PARD3B: variants seen among roughly 807,000 people sequenced by gnomAD.
PARD3B encodes par-3 family cell polarity regulator beta.
In PARD3B, 103 loss-of-function variants were observed where a neutral mutation model predicts 130.2. The observed-to-expected ratio is 0.79, with a 90% CI of 0.67 to 0.93. The LOEUF (loss-of-function observed/expected upper bound fraction) is 0.93. Ranked by LOEUF, PARD3B falls within the 40% of genes least tolerant of loss-of-function variation. The pLI is 0.00. For synonymous variants in PARD3B, 583 were observed against 553.2 expected, an observed-to-expected ratio of 1.05 and a Z score of -0.76; for missense variants, 1,609 against 1,499.2, an observed-to-expected ratio of 1.07 and a Z score of -1.21.
At chr2:205,389,423 C>T (rs849240) in intron 18 of PARD3B, among the ~76,000 whole-genome samples, 109,097 of 152,008 alleles carry the variant, frequency 0.72, 44,163 homozygotes, top group East Asian at 0.96. Flanking sequence ...AGTGCAATGA[C>T]GCTATGTCGG....
intron 19 of PARD3B, among the ~76,000 whole-genome samples, chr2:205,409,679 A>G (rs1251009246): frequency 2.0e-5 from 3 of 152,144 alleles, no homozygotes; most frequent in African/African-American, 4.8e-5. Flanking sequence ...ATGCTTTCCA[A>G]CAGTCATTTA....
At chr2:205,163,149 T>C (rs1318561625) in intron 11 of PARD3B, among the ~76,000 whole-genome samples, 1 of 152,190 alleles carries the variant, frequency 6.6e-6, no homozygotes, top group Admixed American at 6.5e-5. Flanking sequence ...AATGGTGTTT[T>C]TGACTTCACT....
chr2:205,096,621 A>G (rs1702415398), intron 4 of PARD3B, among the ~76,000 whole-genome samples: 1 of 152,162 alleles, frequency 6.6e-6, no homozygotes, highest in Non-Finnish European at 1.5e-5. Context: ...GTGCAGTTTT[A>G]TCCCATATGC....
Position 205,165,650 on chromosome 2 carries a change from G to A in PARD3B, c.1621-6561G>A, listed in dbSNP as rs950824862. On this transcript the variant is annotated intron_variant, in intron 11 of 22. Transcript: ENST00000406610. The stretch of plus-strand genomic sequence containing the variant: ...GGAGAATTGCTTGAACCAGGGAGGC[G>A]GAGGTTGCAATGAGCCGAGATCATA... Among the ~76,000 whole-genome samples the A allele has an allele frequency of 1.6e-4, 24 of 151,478 alleles. No homozygotes were observed. The South Asian group carries it at 2.1e-3, about 13-fold the overall frequency.
intron 4 of PARD3B, among the ~76,000 whole-genome samples, chr2:205,083,613 TAGTTTTATTTTTTG>T (rs984750892): frequency 3.3e-5 from 5 of 151,870 alleles, no homozygotes; most frequent in Non-Finnish European, 7.4e-5. Context: ...TTTTTTTTTT[TAGTTTTATTTTTTG>T]AGGAAACAAT....
intron 19 of PARD3B, among the ~76,000 whole-genome samples, chr2:205,412,690 C>T (rs930315920): frequency 1.3e-5 from 2 of 152,170 alleles, no homozygotes; most frequent in African/African-American, 4.8e-5. Flanking sequence ...CTGGAATGTT[C>T]ATACTTTCTG....
intron 21 of PARD3B, among the ~76,000 whole-genome samples, chr2:205,522,978 C>G (rs772495056): frequency 1.8e-4 from 27 of 151,432 alleles, no homozygotes; most frequent in Non-Finnish European, 3.4e-4. Flanking sequence ...GTTAAAATTC[C>G]CATATACTGT....
chr2:205,490,509 A>G (rs1465988579), intron 20 of PARD3B, among the ~76,000 whole-genome samples: 1 of 152,148 alleles, frequency 6.6e-6, no homozygotes, highest in Non-Finnish European at 1.5e-5. Context: ...AATCCAGTCT[A>G]TCATTGTTGG....
Position 204,943,871 on chromosome 2 carries a change from CAAAGTT to C in PARD3B, c.223-21276_223-21271del, listed in dbSNP as rs978829801. On this transcript the variant is annotated intron_variant, in intron 2 of 22. Coordinates refer to ENST00000406610, the MANE Select transcript of PARD3B (RefSeq NM_001302769.2). The surrounding 1 kb of genome is among the most constrained non-coding windows in gnomAD (Gnocchi z 4.2). ...GAAAACTGAGATTTCAGAGGGGAAA[CAAAGTT>C]AAAGCCCAAAGAGTAAAATACTAAA... Among the ~76,000 whole-genome samples the C allele has an allele frequency of 6.6e-6, 1 of 151,828 alleles. No individual in the cohort carries two copies. The highest frequency in any genetic ancestry group is 2.4e-5 in the African/African-American group (1 of 41,328).
At chr2:205,610,452 A>G (rs531316392) in intron 22 of PARD3B, among the ~76,000 whole-genome samples, 2 of 152,222 alleles carry the variant, frequency 1.3e-5, no homozygotes, top group Non-Finnish European at 2.9e-5. Context: ...TAAAAATAGT[A>G]GTTAACTGAC....
At chr2:205,485,982 C>T (rs1233127823) in intron 20 of PARD3B, among the ~76,000 whole-genome samples, 4 of 152,172 alleles carry the variant, frequency 2.6e-5, no homozygotes, top group Non-Finnish European at 5.9e-5. Context: ...ATATCTGTGT[C>T]TCCCCAACTA....
In PARD3B at chr2:205,121,731, C is replaced by G. The variant is rs762444646; in HGVS notation, c.947C>G (p.Thr316Ser). 1.9e-6 allele frequency: 3 copies of G among 1,614,102 alleles called. No homozygotes were observed. Among genetic ancestry groups the G allele is most frequent in the Admixed American group, 3.3e-5 (2 of 60,014 alleles). The change falls in exon 8 of 23, where the codon ACC becomes AGC. Residue 316 changes from threonine (T) to serine (S), a missense_variant. Coordinates refer to ENST00000406610, the MANE Select transcript of PARD3B (RefSeq NM_001302769.2). This position sits in a 1 kb window ranked among gnomAD's most constrained non-coding sequence, Gnocchi z 5.0. ...GGTAATAATGATGGCGTTTTGAAAA[C>G]CAAAGTGCCGCCTCCTGTCCATGGA... ...IFGNNDGVLK[T>S]KVPPPVHGKS...
At chr2:204,783,783 G>A (rs868804642) in intron 2 of PARD3B, among the ~76,000 whole-genome samples, 3 of 151,856 alleles carry the variant, frequency 2.0e-5, no homozygotes, top group African/African-American at 7.3e-5. Context: ...CTGGCTTCAG[G>A]GTCCATATCC....
chr2:205,395,653 T>A (rs2046001777), intron 18 of PARD3B, among the ~76,000 whole-genome samples: 1 of 152,204 alleles, frequency 6.6e-6, no homozygotes, highest in South Asian at 2.1e-4. Context: ...TCCAAATGAC[T>A]ATCTTCTCTT....
chr2:204,546,493 GTGC>G (rs2125036972), intron 1 of PARD3B, among the ~76,000 whole-genome samples: 1 of 152,300 alleles, frequency 6.6e-6, no homozygotes, highest in Non-Finnish European at 1.5e-5. Context: ...GTCTTAAAAG[GTGC>G]TGCTCACCTA....
At chr2:205,373,576 T>C (rs983479202) in intron 18 of PARD3B, among the ~76,000 whole-genome samples, 4 of 152,178 alleles carry the variant, frequency 2.6e-5, no homozygotes, top group Middle Eastern at 3.2e-3. Context: ...ATTAAAGCCA[T>C]AGTTGAAGTT....
At chr2:204,945,989 G>A (rs960260170) in intron 2 of PARD3B, among the ~76,000 whole-genome samples, 1 of 152,314 alleles carries the variant, frequency 6.6e-6, no homozygotes, top group East Asian at 1.9e-4. Flanking sequence ...CCATTGTCCA[G>A]TGAAATCACA....
chr2:204,936,408 C>G (rs16836750), intron 2 of PARD3B, among the ~76,000 whole-genome samples: 4,636 of 152,284 alleles, frequency 0.03, 95 homozygotes, highest in African/African-American at 0.052. Flanking sequence ...AACATGCCGG[C>G]TTATCATCTT....
At chr2:204,590,323 C>A (rs546236172) in intron 1 of PARD3B, among the ~76,000 whole-genome samples, 5 of 152,316 alleles carry the variant, frequency 3.3e-5, no homozygotes, top group African/African-American at 1.2e-4. Flanking sequence ...CCTCCTAATA[C>A]ATCCCATTTG....
Sources: allele counts gnomAD v4.1 joint callset (sites outside exome capture counted in the v4.1 genomes callset), GRCh38; gene constraint gnomAD v4.1.1; non-coding constraint Gnocchi (gnomAD v3.1); transcripts MANE v1.5; gene names NCBI Gene and HGNC (gene_info 2026-07-23, HGNC 2026-07-21).